The following PRKN variants were observed in gnomAD, a reference collection of about 807,000 sequenced individuals.
PRKN encodes E3 ubiquitin-protein ligase parkin.
In PRKN, 56 loss-of-function variants were observed where a neutral mutation model predicts 59.5. That is an observed-to-expected ratio of 0.94 (90% CI 0.76 to 1.18). The LOEUF is 1.18. Among genes scored for constraint, PRKN ranks in the 50% most tolerant of loss-of-function variants. The pLI is 0.00. For synonymous variants in PRKN, 250 were observed against 222.1 expected, an observed-to-expected ratio of 1.13 and a Z score of -1.12; for missense variants, 657 against 596.4, an observed-to-expected ratio of 1.10 and a Z score of -1.06.
At chr6:162,342,840 A>G (rs1784242672) in intron 2 of PRKN, among the ~76,000 whole-genome samples, 1 of 152,186 alleles carries the variant, frequency 6.6e-6, no homozygotes, top group Non-Finnish European at 1.5e-5. Context: ...AACGTGATAT[A>G]CTTATCTACT....
chr6:161,920,936 T>G (rs1778763197), intron 6 of PRKN, among the ~76,000 whole-genome samples: 1 of 152,186 alleles, frequency 6.6e-6, no homozygotes, highest in South Asian at 2.1e-4. Flanking sequence ...ATGAACACTG[T>G]ACATCTAGGT....
intron 7 of PRKN, among the ~76,000 whole-genome samples, chr6:161,646,831 T>C (rs990540947): frequency 2.6e-5 from 4 of 152,234 alleles, no homozygotes; most frequent in African/African-American, 7.2e-5. Flanking sequence ...CCTTTAGTTC[T>C]GGTCCCCTAC....
chr6:162,299,811 T>G (rs979267272), intron 2 of PRKN, among the ~76,000 whole-genome samples: 8 of 152,138 alleles, frequency 5.3e-5, no homozygotes, highest in African/African-American at 1.7e-4. Flanking sequence ...AAAAGACATC[T>G]GTAACAAATA....
chr6:162,052,847 T>C (rs1163171132), intron 5 of PRKN, among the ~76,000 whole-genome samples: 1 of 152,152 alleles, frequency 6.6e-6, no homozygotes, highest in Admixed American at 6.5e-5. Context: ...TATGTATGTA[T>C]ATATGTATAA....
In PRKN at chr6:161,815,098, C is replaced by A. The variant is rs150994231; in HGVS notation, c.735-29190G>T. The stretch of plus-strand genomic sequence containing the variant: ...TAAGTCTAGGGAACAGACCATAAGC[C>A]GCATTTCATCCCCAATTCATTGCTG... On this transcript the variant is annotated intron_variant, in intron 6 of 11. Transcript: ENST00000366898. Among the ~76,000 whole-genome samples the A allele has an allele frequency of 9.0e-3, 1,376 of 152,250 alleles. 16 individuals carry two copies. Among genetic ancestry groups the A allele is most frequent in the African/African-American group, 0.032 (1,321 of 41,534 alleles).
At chr6:161,375,978 C>T (rs573148421) in intron 10 of PRKN, among the ~76,000 whole-genome samples, 1 of 152,320 alleles carries the variant, frequency 6.6e-6, no homozygotes, top group South Asian at 2.1e-4. Context: ...TCCCAAATAA[C>T]CGGGGATCTA....
chr6:162,084,040 C>T (rs1779161925), intron 4 of PRKN, among the ~76,000 whole-genome samples: 1 of 151,888 alleles, frequency 6.6e-6, no homozygotes, highest in African/African-American at 2.4e-5. Flanking sequence ...ACATAGCATT[C>T]TCATAAAAAT....
At chr6:162,377,184 T>A (rs1157821300) in intron 2 of PRKN, among the ~76,000 whole-genome samples, 2 of 152,184 alleles carry the variant, frequency 1.3e-5, no homozygotes, top group Non-Finnish European at 1.5e-5. Flanking sequence ...AATAAAAGTG[T>A]ATTTCTGCTC....
Position 161,562,889 on chromosome 6 carries a change from AACC to A in PRKN, c.933+6463_933+6465del, listed in dbSNP as rs1780509820. Among the ~76,000 whole-genome samples the A allele has an allele frequency of 6.6e-6, 1 of 152,210 alleles. No individual in the cohort carries two copies. The highest frequency in any genetic ancestry group is 1.5e-5 in the Non-Finnish European group (1 of 68,028). Reference sequence around the variant, plus strand: ...TTGGATAATGCTAACCCCTTGCTTAAACCTTCAAGGATTTCCCACTAAACTCAG... The same window carrying A: ...TTGGATAATGCTAACCCCTTGCTTAATTCAAGGATTTCCCACTAAACTCAG... On this transcript the variant is annotated intron_variant, in intron 8 of 11. Transcript: ENST00000366898. This position sits in a 1 kb window ranked among gnomAD's most constrained non-coding sequence, Gnocchi z 4.3.
At position 161,900,722 on chromosome 6, in the gene PRKN, ACATT is replaced by A. The variant is rs565360145; in HGVS notation, c.734+72576_734+72579del. ...AGTAATATATCATATAATATATAAT[ACATT>A]ATGTATAACATATATTTATGTATTA... On this transcript the variant is annotated intron_variant, in intron 6 of 11. Coordinates refer to ENST00000366898, the MANE Select transcript of PRKN (RefSeq NM_004562.3). 2.6e-3 allele frequency among the ~76,000 whole-genome samples: 337 copies of A among 129,242 alleles called. 1 individual carries two copies. Among genetic ancestry groups the A allele is most frequent in the African/African-American group, 9.0e-3 (309 of 34,308 alleles). 84.8% of individuals were successfully genotyped at this position (129,242 alleles called of 152,430 possible). A position where few individuals can be genotyped will look rare whatever the true frequency, so the allele number is the denominator to read the frequency against.
At chr6:161,758,846 T>C (rs980897630) in intron 7 of PRKN, among the ~76,000 whole-genome samples, 1 of 152,188 alleles carries the variant, frequency 6.6e-6, no homozygotes, top group African/African-American at 2.4e-5. Context: ...TTCCGTCCTA[T>C]ACCACACAAA....
intron 7 of PRKN, among the ~76,000 whole-genome samples, chr6:161,646,995 A>G (rs1273674992): frequency 1.3e-5 from 2 of 152,236 alleles, no homozygotes; most frequent in African/African-American, 4.8e-5. Flanking sequence ...CTGAACTACA[A>G]TAAGATCAGT....
intron 9 of PRKN, among the ~76,000 whole-genome samples, chr6:161,522,947 C>T (rs981822879): frequency 5.9e-5 from 9 of 152,134 alleles, no homozygotes; most frequent in South Asian, 2.1e-4. Flanking sequence ...GGTAACTTCA[C>T]GTTTGCATGT....
At chr6:162,376,445 G>A (rs140908711) in intron 2 of PRKN, among the ~76,000 whole-genome samples, 3 of 151,876 alleles carry the variant, frequency 2.0e-5, no homozygotes, top group Non-Finnish European at 2.9e-5. Context: ...TTTCCCCGCC[G>A]TGTAGAAAAG....
At chr6:161,777,786 T>C (rs1317832021) in intron 7 of PRKN, among the ~76,000 whole-genome samples, 1 of 139,734 alleles carries the variant, frequency 7.2e-6, no homozygotes, top group African/African-American at 2.9e-5. Context: ...TATGTATATG[T>C]ATATATGATA....
At chr6:162,386,325 A>T in intron 2 of PRKN, among the ~76,000 whole-genome samples, 1 of 152,190 alleles carries the variant, frequency 6.6e-6, no homozygotes. Context: ...AAAACATATA[A>T]TTTTATGTCA....
At chr6:162,276,040 A>G (rs1036832647) in intron 2 of PRKN, among the ~76,000 whole-genome samples, 12 of 152,288 alleles carry the variant, frequency 7.9e-5, no homozygotes, top group Middle Eastern at 3.4e-3. Context: ...TTTAAAGATG[A>G]CGATGTGGAT....
chr6:161,591,267 T>A (rs945949373), intron 7 of PRKN, among the ~76,000 whole-genome samples: 2 of 152,202 alleles, frequency 1.3e-5, no homozygotes, highest in African/African-American at 4.8e-5. Flanking sequence ...CTCATGAGTC[T>A]AAAATTACGT....
chr6:161,998,609 G>T (rs148247419), intron 5 of PRKN, among the ~76,000 whole-genome samples: 100 of 152,170 alleles, frequency 6.6e-4, no homozygotes, highest in Non-Finnish European at 1.1e-3. Context: ...TGTTTCATTA[G>T]CTACAGTTTG....
Sources: allele counts gnomAD v4.1 joint callset (sites outside exome capture counted in the v4.1 genomes callset), GRCh38; gene constraint gnomAD v4.1.1; non-coding constraint Gnocchi (gnomAD v3.1); transcripts MANE v1.5; gene names NCBI Gene and HGNC (gene_info 2026-07-23, HGNC 2026-07-21).